The following AFF1 variants were observed in gnomAD, a reference collection of about 807,000 sequenced individuals.
AFF1 encodes ALF transcription elongation factor 1.
A neutral mutation model predicts 121.7 loss-of-function variants in AFF1; 48 were observed. That is an observed-to-expected ratio of 0.39 (90% CI 0.31 to 0.50). The LOEUF (loss-of-function observed/expected upper bound fraction) is 0.50. AFF1 is among the 20% of genes least tolerant of loss of function. The pLI, the probability that AFF1 is intolerant of heterozygous loss-of-function variation, is 0.76. For missense variants in AFF1, 1,523 were observed against 1,511.7 expected, an observed-to-expected ratio of 1.01 and a Z score of -0.12; for synonymous variants, 613 against 563.0, an observed-to-expected ratio of 1.09 and a Z score of -1.26.
intron 20 of AFF1, 126 bp from the exon 21 acceptor site, chr4:87,135,454 T>G: frequency 1.0e-6 from 1 of 982,814 alleles, no homozygotes; most frequent in Non-Finnish European, 1.4e-6. Context: ...GTGATTTTTT[T>G]GATGTGATTA....
At chr4:86,972,878 A>G (rs1462881627) in intron 2 of AFF1, among the ~76,000 whole-genome samples, 3 of 152,006 alleles carry the variant, frequency 2.0e-5, no homozygotes, top group Non-Finnish European at 4.4e-5. Flanking sequence ...TTCGTTTTTT[A>G]CCTTTTTAAT....
rs188885059 is a variant in AFF1, at chr4:87,113,594, G to A, written c.1534-773G>A. On this transcript the variant is annotated intron_variant, in intron 11 of 20. Transcript: ENST00000395146. ...AATGTTTGACTTTTAAAGAGTTCAC[G>A]TGGGATTAATGCTTGGCTAATGTGA... Among the ~76,000 whole-genome samples the A allele has an allele frequency of 1.4e-4, 22 of 152,256 alleles. No homozygotes were observed. The East Asian group carries it at 2.7e-3, about 19-fold the overall frequency.
intron 2 of AFF1, among the ~76,000 whole-genome samples, chr4:86,978,690 G>A (rs894609906): frequency 2.6e-5 from 4 of 152,150 alleles, no homozygotes; most frequent in African/African-American, 9.7e-5. Context: ...CTTAAGGTGG[G>A]ATATATCCTT....
intron 4 of AFF1, among the ~76,000 whole-genome samples, chr4:87,074,993 G>C (rs1485452242): frequency 1.3e-5 from 2 of 152,068 alleles, no homozygotes; most frequent in South Asian, 2.1e-4. Flanking sequence ...AAAATTTCCA[G>C]AATGTTTTAA....
At chr4:87,104,827 A>G (rs1425796856) in intron 8 of AFF1, among the ~76,000 whole-genome samples, 1 of 152,182 alleles carries the variant, frequency 6.6e-6, no homozygotes, top group Non-Finnish European at 1.5e-5. Flanking sequence ...CATAAGCCAG[A>G]ATGCCTACAG....
chr4:87,124,929 T>C (rs1728076281), intron 12 of AFF1, 108 bp from the exon 13 acceptor site: 1 of 821,174 alleles, frequency 1.2e-6, no homozygotes, highest in Non-Finnish European at 1.8e-6. Context: ...CGTACAGAGA[T>C]GTCTCCAAAG....
At chr4:86,984,791 G>T (rs1167511678) in intron 2 of AFF1, among the ~76,000 whole-genome samples, 3 of 151,984 alleles carry the variant, frequency 2.0e-5, no homozygotes, top group African/African-American at 7.3e-5. Context: ...TTAAAAAGTA[G>T]CTGGGCATAT....
intron 2 of AFF1, among the ~76,000 whole-genome samples, chr4:87,037,518 C>T (rs935062616): frequency 4.6e-5 from 7 of 151,980 alleles, no homozygotes; most frequent in African/African-American, 7.2e-5. Context: ...TCACCATGTT[C>T]GCCAGGCTAG....
chr4:87,044,588 G>A (rs1428331137), intron 2 of AFF1, among the ~76,000 whole-genome samples: 1 of 152,188 alleles, frequency 6.6e-6, no homozygotes, highest in Non-Finnish European at 1.5e-5. Flanking sequence ...GGTGGAGAGA[G>A]AAGCAGTGGA....
intron 14 of AFF1, among the ~76,000 whole-genome samples, 174 bp downstream of exon 14, chr4:87,126,510 T>A (rs1728265603): frequency 6.6e-6 from 1 of 152,216 alleles, no homozygotes; most frequent in African/African-American, 2.4e-5. Context: ...GTATTAATAA[T>A]ACACAAAGAT....
chr4:87,030,092 A>G (rs541355263), intron 2 of AFF1, among the ~76,000 whole-genome samples: 6 of 152,246 alleles, frequency 3.9e-5, no homozygotes, highest in African/African-American at 1.4e-4. Context: ...ACAAGAAGTT[A>G]TTTCAGAAGC....
chr4:86,967,515 C>T (rs2904151), intron 2 of AFF1, among the ~76,000 whole-genome samples: 17,896 of 152,090 alleles, frequency 0.12, 1,333 homozygotes, highest in East Asian at 0.21. Context: ...TTTAAAAGGT[C>T]GCTTGTCAAA....
chr4:87,112,305 C>T lies in AFF1; in HGVS notation c.1534-2062C>T, dbSNP rs80346625. 1.5e-3 allele frequency among the ~76,000 whole-genome samples: 223 copies of T among 152,294 alleles called. 4 individuals carry two copies. The East Asian group carries it at 0.015, about 11-fold the overall frequency. On this transcript the variant is annotated intron_variant, in intron 11 of 20. Coordinates refer to ENST00000395146, the MANE Select transcript of AFF1 (RefSeq NM_001166693.3). ...ATTACATGTGACAAAATGCCTGCCA[C>T]ATAATAGTGGTTTCCTTCTTCCCTC...
chr4:87,008,623 T>G (rs1419886917), intron 2 of AFF1, among the ~76,000 whole-genome samples: 11 of 145,958 alleles, frequency 7.5e-5, no homozygotes, highest in East Asian at 2.0e-4. Context: ...ATTTAGTGTT[T>G]TTTTTTTTTT....
chr4:87,037,933 A>C (rs1729731290), intron 2 of AFF1, among the ~76,000 whole-genome samples: 1 of 152,166 alleles, frequency 6.6e-6, no homozygotes, highest in Non-Finnish European at 1.5e-5. Flanking sequence ...AGTGTTTTCA[A>C]GGTTGATTTA....
At chr4:86,996,739 C>CA (rs941462118) in intron 2 of AFF1, among the ~76,000 whole-genome samples, 2 of 149,052 alleles carry the variant, frequency 1.3e-5, no homozygotes, top group Non-Finnish European at 3.0e-5. Flanking sequence ...AACAAACAAA[C>CA]AAAAAAACCC....
At chr4:87,035,251 G>C (rs1474152576) in intron 2 of AFF1, among the ~76,000 whole-genome samples, 1 of 152,122 alleles carries the variant, frequency 6.6e-6, no homozygotes, top group East Asian at 1.9e-4. Context: ...GAGGCTGGCA[G>C]AAGTACTGCT....
At chr4:87,064,690 G>T (rs1389489652) in intron 4 of AFF1, among the ~76,000 whole-genome samples, 1 of 152,078 alleles carries the variant, frequency 6.6e-6, no homozygotes, top group Admixed American at 6.5e-5. Context: ...ACCAGCCTGG[G>T]CAACAGGGTG....
intron 4 of AFF1, among the ~76,000 whole-genome samples, chr4:87,071,406 G>A (rs918442525): frequency 2.0e-5 from 3 of 152,162 alleles, no homozygotes; most frequent in Non-Finnish European, 4.4e-5. Flanking sequence ...TCATGCCAGC[G>A]CAGCCTGGTA....
Sources: gnomAD v4.1 joint callset for allele counts (sites outside exome capture counted in the v4.1 genomes callset) on GRCh38, gnomAD v4.1.1 for gene constraint, MANE v1.5 for transcripts, NCBI Gene and HGNC (gene_info 2026-07-23, HGNC 2026-07-21) for gene names.